Variants in TOGARAM2 observed in about 807,000 individuals in gnomAD.
TOGARAM2 encodes the protein TOG array regulator of axonemal microtubules 2.
A neutral mutation model predicts 93.3 loss-of-function variants in TOGARAM2; 85 were observed. That is an observed-to-expected ratio of 0.91 (90% CI 0.76 to 1.09). TOGARAM2 has a LOEUF of 1.09. Among genes scored for constraint, TOGARAM2 ranks in the 50% least tolerant of loss-of-function variants. The pLI is 0.00. For missense variants in TOGARAM2, 1,277 were observed against 1,334.5 expected, an observed-to-expected ratio of 0.96 and a Z score of 0.67; for synonymous variants, 593 against 552.8, an observed-to-expected ratio of 1.07 and a Z score of -1.02.
chr2:29,041,060 T>C (rs1011112670), intron 18 of TOGARAM2, among the ~76,000 whole-genome samples: 2 of 150,796 alleles, frequency 1.3e-5, no homozygotes, highest in African/African-American at 4.9e-5. Context: ...AGTCTGGCTC[T>C]GTCACCCAGG....
intron 1 of TOGARAM2, among the ~76,000 whole-genome samples, chr2:28,975,056 G>A (rs1428484346): frequency 6.6e-6 from 1 of 151,104 alleles, no homozygotes; most frequent in African/African-American, 2.4e-5. Context: ...TATTTATATT[G>A]TATTTTTCTT....
At chr2:29,030,461 G>GA (rs554937593) in intron 14 of TOGARAM2, among the ~76,000 whole-genome samples, 43 of 145,434 alleles carry the variant, frequency 3.0e-4, no homozygotes, top group South Asian at 1.1e-3. Flanking sequence ...GCCATGCAAC[G>GA]AAAAAAAAAA....
chr2:29,035,698 TG>T (rs1438274415), intron 17 of TOGARAM2, 42 bp downstream of exon 17: 6 of 1,316,160 alleles, frequency 4.6e-6, no homozygotes, highest in Non-Finnish European at 5.9e-6. Context: ...GTCTCTCCTC[TG>T]GGGGGTGCAA....
chr2:29,035,135 A>G (rs114292315), intron 16 of TOGARAM2, among the ~76,000 whole-genome samples: 3,824 of 140,280 alleles, frequency 0.027, 86 homozygotes, highest in Admixed American at 0.043. Flanking sequence ...GGGCAGCAAG[A>G]GCGAGACTCT....
intron 14 of TOGARAM2, among the ~76,000 whole-genome samples, chr2:29,027,331 T>G (rs1558451523): frequency 6.6e-6 from 1 of 152,216 alleles, no homozygotes; most frequent in Non-Finnish European, 1.5e-5. Flanking sequence ...AGATATTTAA[T>G]GATCACTCTT....
chr2:29,008,108 ATT>A (rs1663998213), intron 6 of TOGARAM2, among the ~76,000 whole-genome samples: 1 of 151,706 alleles, frequency 6.6e-6, no homozygotes, highest in African/African-American at 2.4e-5. Flanking sequence ...ATTTAAATTT[ATT>A]TTGTTTATTT....
chr2:29,026,898 A>G lies in TOGARAM2; in HGVS notation c.1899A>G (p.Ser633=). The G allele has an allele frequency of 6.3e-7, 1 of 1,592,972 alleles. No individual in the cohort carries two copies. The highest frequency in any genetic ancestry group is 8.5e-7 in the Non-Finnish European group (1 of 1,169,846). Residue 633 remains serine (S), a synonymous_variant, in exon 14 of 20, where the codon TCA becomes TCG. Transcript: ENST00000379558. ...LIRKYAAEHL[S]AVLEQIGAEK... ...GGAAATACGCGGCTGAGCACCTCTC[A>G]GCTGTGCTGGAGCAGATCGGCGCTG...
At chr2:28,962,764 T>G (rs1255067247) in intron 1 of TOGARAM2, among the ~76,000 whole-genome samples, 1 of 39,920 alleles carries the variant, frequency 2.5e-5, no homozygotes. Flanking sequence ...TCCCCTCCCC[T>G]TCCCTCCCCT....
intron 1 of TOGARAM2, among the ~76,000 whole-genome samples, chr2:28,963,550 G>GT (rs1448883335): frequency 2.6e-5 from 4 of 151,986 alleles, no homozygotes; most frequent in Non-Finnish European, 4.4e-5. Context: ...AACTTTTAAT[G>GT]TTTTTTTGTA....
rs371842247 is a variant in TOGARAM2 at position 29,017,836 on chromosome 2, A to C, written c.1240A>C (p.Arg414=). The part of the protein sequence containing the change: ...RGSGTLSVPT[R]LSGPCRNDVS... Reference sequence around the variant, plus strand: ...CAGCGGGACACTGTCTGTGCCCACTAGGCTGAGCGGCCCATGCAGAAACGA... The same window carrying C: ...CAGCGGGACACTGTCTGTGCCCACTCGGCTGAGCGGCCCATGCAGAAACGA... The change falls in exon 10 of 20, where the codon AGG becomes CGG. Residue 414 remains arginine, a synonymous_variant. Transcript: ENST00000379558. 1 of 1,613,286 alleles carries C rather than the reference A, an allele frequency of 6.2e-7. No homozygotes were observed. The highest frequency in any genetic ancestry group is 1.7e-5 in the Admixed American group (1 of 59,956).
intron 19 of TOGARAM2, chr2:29,047,846 C>A (rs985636614): frequency 1.3e-5 from 2 of 148,910 alleles, no homozygotes; most frequent in Admixed American, 6.8e-5. Flanking sequence ...ATTCAAGGAG[C>A]AAGAGTGGAT....
rs575689097 is a variant in TOGARAM2 at position 29,014,726 on chromosome 2, G to T, written c.1044+165G>T. Among the ~76,000 whole-genome samples the T allele has an allele frequency of 6.6e-5, 10 of 152,292 alleles. 1 individual carries two copies. In the South Asian group the frequency reaches 2.1e-3, roughly 32 times the overall value. On this transcript the variant is annotated intron_variant, in intron 8 of 19. Coordinates refer to ENST00000379558, the MANE Select transcript of TOGARAM2 (RefSeq NM_199280.4). ...ACTAAAGGCCAGAACCTGCAGACGG[G>T]GTTGGGGTGAAGGCTGAAGAAAGGA... is the stretch of plus-strand genomic sequence containing the variant.
chr2:29,039,097 G>T (rs1191068253), intron 18 of TOGARAM2, among the ~76,000 whole-genome samples: 1 of 152,056 alleles, frequency 6.6e-6, no homozygotes, highest in Non-Finnish European at 1.5e-5. Context: ...GCATCAAATC[G>T]GACGGAAGAG....
At chr2:28,997,516 T>G (rs1381321377) in intron 2 of TOGARAM2, among the ~76,000 whole-genome samples, 1 of 152,212 alleles carries the variant, frequency 6.6e-6, no homozygotes, top group African/African-American at 2.4e-5. Flanking sequence ...TGCCCACTAC[T>G]GTCTCACTGC....
At chr2:29,008,755 C>T (rs72788106) in intron 6 of TOGARAM2, among the ~76,000 whole-genome samples, 11,467 of 152,272 alleles carry the variant, frequency 0.075, 510 homozygotes, top group African/African-American at 0.12. Flanking sequence ...CCGCACCTGG[C>T]CAGCCTATTT....
intron 10 of TOGARAM2, among the ~76,000 whole-genome samples, chr2:29,021,463 AG>A (rs1664940094): frequency 6.6e-6 from 1 of 152,188 alleles, no homozygotes. Context: ...CTGTGTGATC[AG>A]GGCATTTGGC....
At chr2:29,024,488 C>A in intron 13 of TOGARAM2, 114 bp downstream of exon 13, 1 of 797,370 alleles carries the variant, frequency 1.3e-6, no homozygotes, top group East Asian at 2.7e-5. Context: ...GGGAGGGAAG[C>A]AGGCAAGTGA....
At chr2:29,047,340 G>T (rs998861942) in intron 19 of TOGARAM2, 3 of 152,166 alleles carry the variant, frequency 2.0e-5, no homozygotes, top group Admixed American at 2.0e-4. Flanking sequence ...GTAATTTACG[G>T]GGCCCAGAGG....
intron 18 of TOGARAM2, among the ~76,000 whole-genome samples, chr2:29,039,836 T>C (rs891116392): frequency 5.9e-5 from 9 of 152,212 alleles, no homozygotes; most frequent in African/African-American, 2.2e-4. Flanking sequence ...CTTTGGGCTC[T>C]TATTGGGTTA....
Sources: allele counts gnomAD v4.1 joint callset (sites outside exome capture counted in the v4.1 genomes callset), GRCh38; gene constraint gnomAD v4.1.1; transcripts MANE v1.5; gene names NCBI Gene and HGNC (gene_info 2026-07-23, HGNC 2026-07-21).